Variants in RGS7 observed in about 807,000 individuals in gnomAD.
RGS7 encodes regulator of G-protein signaling 7.
RGS7 carries 27 observed loss-of-function variants against 81.1 expected under a neutral mutation model. The ratio of observed to expected loss-of-function variants is 0.33; its 90% CI spans 0.25 to 0.46. The LOEUF (loss-of-function observed/expected upper bound fraction) is 0.46, where lower values mean the gene tolerates loss of function less well. RGS7 is among the 20% of genes least tolerant of loss of function. RGS7 has a pLI of 1.00. For missense variants in RGS7, 396 were observed against 607.4 expected (o/e 0.65, Z 3.66); for synonymous variants, 208 against 207.7 (o/e 1.00, Z -0.01).
intron 18 of RGS7, among the ~76,000 whole-genome samples, chr1:240,793,474 G>A (rs552683632): frequency 2.0e-5 from 3 of 151,538 alleles, no homozygotes; most frequent in East Asian, 1.9e-4. Context: ...GAAGAAAGAC[G>A]AGAAAATAGT....
At chr1:240,888,539 T>C (rs1667755592) in intron 6 of RGS7, among the ~76,000 whole-genome samples, 2 of 152,222 alleles carry the variant, frequency 1.3e-5, no homozygotes, top group South Asian at 4.1e-4. Flanking sequence ...CTCAGAGGGC[T>C]TACTTTGTAC....
At chr1:241,305,866 G>A (rs904293329) in intron 2 of RGS7, 1 of 304,436 alleles carries the variant, frequency 3.3e-6, no homozygotes, top group South Asian at 2.8e-5. Context: ...TGAGGCCCAC[G>A]GCCATGGGGT....
At chr1:240,979,340 A>G (rs1458052292) in intron 4 of RGS7, among the ~76,000 whole-genome samples, 1 of 152,210 alleles carries the variant, frequency 6.6e-6, no homozygotes, top group South Asian at 2.1e-4. Context: ...AGACCCACAT[A>G]TAATAATAAC....
chr1:240,921,194 T>A (rs982136272), intron 6 of RGS7, among the ~76,000 whole-genome samples: 10 of 152,092 alleles, frequency 6.6e-5, no homozygotes, highest in African/African-American at 2.4e-4. Context: ...AAATTATTGG[T>A]TATAAAAATG....
chr1:241,091,590 T>C (rs1558705055), intron 3 of RGS7, among the ~76,000 whole-genome samples: 1 of 136,128 alleles, frequency 7.3e-6, no homozygotes, highest in Non-Finnish European at 1.6e-5. Context: ...AATAAATAAA[T>C]AAATAAAAAA....
At chr1:240,832,858 A>C (rs754160599) in intron 9 of RGS7, among the ~76,000 whole-genome samples, 6 of 152,144 alleles carry the variant, frequency 3.9e-5, no homozygotes, top group Non-Finnish European at 5.9e-5. Flanking sequence ...GATTCTGGGA[A>C]AATTCAGGTT....
chr1:241,067,865 T>C (rs555467949), intron 3 of RGS7, among the ~76,000 whole-genome samples: 28 of 145,782 alleles, frequency 1.9e-4, no homozygotes, highest in African/African-American at 6.9e-4. Flanking sequence ...TTAATTATTA[T>C]AGGCATAATT....
intron 2 of RGS7, among the ~76,000 whole-genome samples, chr1:241,110,425 C>G (rs1007723448): frequency 1.1e-4 from 17 of 151,926 alleles, no homozygotes. Context: ...CTATGTGTAA[C>G]AAAAATGGAC....
intron 2 of RGS7, among the ~76,000 whole-genome samples, 168 bp downstream of exon 2, chr1:241,355,531 T>C (rs1400784351): frequency 2.6e-5 from 4 of 152,162 alleles, no homozygotes; most frequent in Non-Finnish European, 5.9e-5. Flanking sequence ...TCCCCACATA[T>C]GCATCATTTG....
chr1:241,254,278 T>C (rs765210409), intron 2 of RGS7, among the ~76,000 whole-genome samples: 2 of 152,124 alleles, frequency 1.3e-5, no homozygotes, highest in African/African-American at 2.4e-5. Context: ...TGGGAGTAGT[T>C]TGAAGATGTG....
In RGS7 at chr1:241,078,370, C is replaced by G. The variant is rs189355956; in HGVS notation, c.175+20296G>C. On this transcript the variant is annotated intron_variant, in intron 3 of 18. Transcript: ENST00000440928. ...GGCATAAACTGATACTACAAAAGCACAGATCACCAAAATAGTATATATAAA... is the reference window on the plus strand; with the variant it reads ...GGCATAAACTGATACTACAAAAGCAGAGATCACCAAAATAGTATATATAAA... 1.6e-3 allele frequency among the ~76,000 whole-genome samples: 216 copies of G among 135,970 alleles called. 2 individuals carry two copies. The highest frequency in any genetic ancestry group is 6.0e-3 in the African/African-American group (208 of 34,744). 89.2% of individuals were successfully genotyped at this position (135,970 alleles called of 152,430 possible).
chr1:241,016,323 T>G (rs546972674), intron 3 of RGS7, among the ~76,000 whole-genome samples: 56 of 152,102 alleles, frequency 3.7e-4, no homozygotes, highest in Admixed American at 6.6e-4. Context: ...AACAAGACCA[T>G]CCTGGCCAAC....
rs190491101 is a variant in RGS7 at position 240,864,761 on chromosome 1, T to C, written c.609+3826A>G. Among the ~76,000 whole-genome samples, 305 of 152,254 alleles carry C rather than the reference T, an allele frequency of 2.0e-3. 3 individuals carry two copies. The highest frequency in any genetic ancestry group is 7.2e-3 in the African/African-American group (300 of 41,540). Reference sequence around the variant, plus strand: ...CTATTTCATGCAAGTTATCCCTAAATGGAAGAGTGGAATGATAAGGCTGGA... The same window carrying C: ...CTATTTCATGCAAGTTATCCCTAAACGGAAGAGTGGAATGATAAGGCTGGA... On this transcript the variant is annotated intron_variant, in intron 9 of 18. Transcript: ENST00000440928.
At chr1:241,228,079 C>T (rs2075425853) in intron 2 of RGS7, among the ~76,000 whole-genome samples, 1 of 152,176 alleles carries the variant, frequency 6.6e-6, no homozygotes, top group Non-Finnish European at 1.5e-5. Context: ...GGGGCTTGTG[C>T]TTGATTCTCT....
intron 3 of RGS7, among the ~76,000 whole-genome samples, chr1:240,996,240 T>C (rs1687267489): frequency 6.6e-6 from 1 of 152,180 alleles, no homozygotes; most frequent in African/African-American, 2.4e-5. Flanking sequence ...TCATGGGAAC[T>C]TGAGACCATG....
chr1:241,315,095 T>TTTG (rs2080785383), intron 2 of RGS7, among the ~76,000 whole-genome samples: 1 of 139,320 alleles, frequency 7.2e-6, no homozygotes, highest in Non-Finnish European at 1.5e-5. Context: ...GCTTTTTTTT[T>TTTG]TTCTTCTTCT....
chr1:241,279,211 G>GA (rs1036472335), intron 2 of RGS7, among the ~76,000 whole-genome samples: 13 of 151,824 alleles, frequency 8.6e-5, no homozygotes, highest in African/African-American at 2.9e-4. Flanking sequence ...AAAGAATTAG[G>GA]AAAAAAGATT....
intron 3 of RGS7, among the ~76,000 whole-genome samples, chr1:241,033,654 C>T (rs1353763973): frequency 6.6e-6 from 1 of 151,824 alleles, no homozygotes; most frequent in African/African-American, 2.4e-5. Flanking sequence ...ATGGTGATAT[C>T]AGTTTACAGT....
intron 2 of RGS7, among the ~76,000 whole-genome samples, chr1:241,134,833 T>C (rs2067374536): frequency 6.6e-6 from 1 of 152,002 alleles, no homozygotes; most frequent in South Asian, 2.1e-4. Context: ...CTCCTCCCCT[T>C]TCAGGCCCAG....
Sources: gnomAD v4.1 joint callset for allele counts (sites outside exome capture counted in the v4.1 genomes callset) on GRCh38, gnomAD v4.1.1 for gene constraint, MANE v1.5 for transcripts, NCBI Gene and HGNC (gene_info 2026-07-23, HGNC 2026-07-21) for gene names.